The following CCDC178 variants were observed in gnomAD, a reference collection of about 807,000 sequenced individuals.
CCDC178 encodes the protein coiled-coil domain-containing protein 178.
A neutral mutation model predicts 117.4 loss-of-function variants in CCDC178; 126 were observed. The observed-to-expected ratio is 1.07, with a 90% CI of 0.93 to 1.24. The LOEUF (loss-of-function observed/expected upper bound fraction) is 1.24. Among genes scored for constraint, CCDC178 ranks in the 50% most tolerant of loss-of-function variants. CCDC178 has a pLI of 0.00. For missense variants in CCDC178, 1,030 were observed against 986.9 expected, an observed-to-expected ratio of 1.04 and a Z score of -0.59; for synonymous variants, 283 against 313.4, an observed-to-expected ratio of 0.90 and a Z score of 1.02.
At chr18:33,312,383 A>G (rs769420118) in intron 11 of CCDC178, among the ~76,000 whole-genome samples, 3 of 152,192 alleles carry the variant, frequency 2.0e-5, no homozygotes, top group Non-Finnish European at 4.4e-5. Flanking sequence ...AAACCTTAAC[A>G]AGGGACCTGG....
chr18:33,321,582 T>C (rs2062509046), intron 11 of CCDC178, among the ~76,000 whole-genome samples: 2 of 152,082 alleles, frequency 1.3e-5, no homozygotes, highest in Non-Finnish European at 2.9e-5. Context: ...GTTCCTTTCA[T>C]TGTCAGCAGG....
intron 20 of CCDC178, among the ~76,000 whole-genome samples, chr18:33,151,272 C>A (rs997837487): frequency 6.6e-6 from 1 of 151,986 alleles, no homozygotes; most frequent in Non-Finnish European, 1.5e-5. Flanking sequence ...TAAATAAATT[C>A]TTGAAAAATA....
At chr18:33,126,614 T>C (rs1238031569) in intron 20 of CCDC178, among the ~76,000 whole-genome samples, 1 of 151,842 alleles carries the variant, frequency 6.6e-6, no homozygotes, top group Non-Finnish European at 1.5e-5. Context: ...TTGGTCCTCC[T>C]GTATGCGTGG....
intron 20 of CCDC178, among the ~76,000 whole-genome samples, chr18:33,134,573 TGA>T (rs1467773198): frequency 5.3e-5 from 8 of 152,100 alleles, no homozygotes; most frequent in African/African-American, 1.9e-4. Context: ...TTTTCATAGC[TGA>T]GTTTTAAGAA....
intron 21 of CCDC178, among the ~76,000 whole-genome samples, chr18:33,014,315 G>T (rs7228503): frequency 6.6e-6 from 1 of 152,112 alleles, no homozygotes; most frequent in East Asian, 1.9e-4. Context: ...GTAAACAAGC[G>T]CATGCTTAGA....
intron 15 of CCDC178, among the ~76,000 whole-genome samples, chr18:33,244,214 G>A (rs1272414742): frequency 6.6e-6 from 1 of 151,920 alleles, no homozygotes; most frequent in Non-Finnish European, 1.5e-5. Flanking sequence ...TGGAAATGGT[G>A]TACAGACTGT....
chr18:33,012,518 C>A lies in CCDC178; in HGVS notation c.2389-37837G>T, dbSNP rs7236742. Among the ~76,000 whole-genome samples, 971 of 152,230 alleles carry A rather than the reference C, an allele frequency of 6.4e-3. 15 individuals carry two copies. The East Asian group carries it at 0.073, about 11-fold the overall frequency. The stretch of plus-strand genomic sequence containing the variant: ...AAGTTCCTATATATAATCCCCAAAT[C>A]TTGGCATTGGAAGAGAACTCAGAAA... On this transcript the variant is annotated intron_variant, in intron 21 of 22. Coordinates refer to ENST00000383096, the MANE Select transcript of CCDC178 (RefSeq NM_001105528.4).
intron 5 of CCDC178, among the ~76,000 whole-genome samples, chr18:33,373,210 G>A (rs2063322866): frequency 6.6e-6 from 1 of 152,130 alleles, no homozygotes; most frequent in African/African-American, 2.4e-5. Flanking sequence ...AACTGTTGGA[G>A]ACACTTATCA....
rs1183615833 is a variant in CCDC178, at chr18:33,226,862, G to T, written c.1594-7C>A. 1 of 1,509,022 alleles carries T rather than the reference G, an allele frequency of 6.6e-7. No homozygotes were observed. 93.5% of individuals were successfully genotyped at this position (1,509,022 alleles called of 1,614,324 possible). ...TCAGGAATTCTTCTCTACCCTATAT[G>T]TTAGGAAATTTTTAAAATGAGGATT... On this transcript the variant is annotated splice_region_variant and splice_polypyrimidine_tract_variant and intron_variant, in intron 15 of 22. Transcript: ENST00000383096.
At chr18:33,347,592 T>C (rs942596152) in intron 8 of CCDC178, among the ~76,000 whole-genome samples, 1 of 152,154 alleles carries the variant, frequency 6.6e-6, no homozygotes, top group Admixed American at 6.5e-5. Context: ...TTGTCTTTTT[T>C]AAATGAAAAC....
intron 20 of CCDC178, among the ~76,000 whole-genome samples, chr18:33,156,999 A>G (rs1303815535): frequency 3.3e-5 from 5 of 152,222 alleles, no homozygotes; most frequent in African/African-American, 1.2e-4. Flanking sequence ...CCAACATACA[A>G]TGGATTCAGA....
intron 7 of CCDC178, 95 bp downstream of exon 7, chr18:33,356,229 T>G: frequency 8.0e-7 from 1 of 1,248,818 alleles, no homozygotes; most frequent in South Asian, 1.5e-5. Context: ...GCATTCGATT[T>G]TCTATTCCTT....
intron 12 of CCDC178, among the ~76,000 whole-genome samples, chr18:33,267,882 T>G (rs1394376028): frequency 6.6e-6 from 1 of 151,566 alleles, no homozygotes; most frequent in African/African-American, 2.4e-5. Flanking sequence ...ATAGCTTTTA[T>G]CTATAAGAAT....
At chr18:33,423,916 T>TCTTGTAAAACCTAATACTAAATAAATA (rs1457788675) in intron 2 of CCDC178, among the ~76,000 whole-genome samples, 2 of 152,192 alleles carry the variant, frequency 1.3e-5, no homozygotes, top group African/African-American at 4.8e-5. Flanking sequence ...CTAATACTTA[T>TCTTGTAAAACCTAATACTAAATAAATA]CTGTATTTAT....
chr18:33,387,899 G>T (rs967158104), intron 5 of CCDC178, among the ~76,000 whole-genome samples: 6 of 152,138 alleles, frequency 3.9e-5, no homozygotes. Flanking sequence ...CATAGCAAAA[G>T]AAAGTATCAT....
intron 22 of CCDC178, among the ~76,000 whole-genome samples, chr18:32,968,646 C>A (rs1027801756): frequency 2.5e-4 from 38 of 152,066 alleles, no homozygotes; most frequent in Non-Finnish European, 5.2e-4. Context: ...CGTATATATT[C>A]TTAAATTATA....
chr18:33,046,675 A>G (rs898040273), intron 21 of CCDC178, among the ~76,000 whole-genome samples: 7 of 152,180 alleles, frequency 4.6e-5, no homozygotes, highest in African/African-American at 1.7e-4. Context: ...CATGTTTGCT[A>G]CAAGTAGCTA....
At chr18:33,255,372 G>A (rs140197080) in intron 14 of CCDC178, among the ~76,000 whole-genome samples, 17 of 152,202 alleles carry the variant, frequency 1.1e-4, no homozygotes, top group African/African-American at 3.6e-4. Flanking sequence ...CAATCTATCA[G>A]TCTGGAAGCA....
intron 3 of CCDC178, among the ~76,000 whole-genome samples, chr18:33,410,763 A>C (rs2063839071): frequency 6.6e-6 from 1 of 152,150 alleles, no homozygotes; most frequent in Admixed American, 6.5e-5. Flanking sequence ...TCTCCTACCC[A>C]TAGATCTGTG....
Sources: allele counts gnomAD v4.1 joint callset (sites outside exome capture counted in the v4.1 genomes callset), GRCh38; gene constraint gnomAD v4.1.1; transcripts MANE v1.5; gene names NCBI Gene and HGNC (gene_info 2026-07-23, HGNC 2026-07-21).